The following NCR2 variants were observed in gnomAD, a reference collection of about 807,000 sequenced individuals.
NCR2 encodes the protein NK cell activating receptor (NKp44).
NCR2 carries 35 observed loss-of-function variants against 30.7 expected under a neutral mutation model. The observed-to-expected ratio is 1.14, with a 90% CI of 0.87 to 1.51. NCR2 has a LOEUF of 1.51. NCR2 is among the 40% of genes most tolerant of loss of function. The probability of loss-of-function intolerance (pLI) is 0.00; values close to 1 mark genes in which losing one functional copy is unlikely to be tolerated. For synonymous variants in NCR2, 146 were observed against 134.8 expected (o/e 1.08, Z -0.58); for missense variants, 316 against 328.9 (o/e 0.96, Z 0.30).
chr6:41,344,530 G>A (rs1769252368), intron 4 of NCR2, among the ~76,000 whole-genome samples: 1 of 152,040 alleles, frequency 6.6e-6, no homozygotes, highest in Non-Finnish European at 1.5e-5. Flanking sequence ...GTTCCCCAAG[G>A]TTACATTCTA....
At chr6:41,336,522 T>C (rs1252805664) in intron 2 of NCR2, 94 bp downstream of exon 2, 2 of 1,028,556 alleles carry the variant, frequency 1.9e-6, no homozygotes, top group African/African-American at 3.2e-5. Flanking sequence ...AAGCCACCCA[T>C]GCCCACGCCC....
chr6:41,350,540 G>A (rs1407697058), intron 4 of NCR2, 138 bp from the exon 5 acceptor site: 2 of 703,078 alleles, frequency 2.8e-6, no homozygotes, highest in Non-Finnish European at 4.8e-6. Context: ...CAGTGGCCAG[G>A]AGCAGACTTC....
intron 4 of NCR2, among the ~76,000 whole-genome samples, chr6:41,348,085 A>G (rs983335155): frequency 6.6e-6 from 1 of 152,242 alleles, no homozygotes; most frequent in Admixed American, 6.5e-5. Flanking sequence ...GGTCCAGCCC[A>G]ATGGGATTCG....
chr6:41,339,287 C>T (rs1180111315), intron 2 of NCR2, among the ~76,000 whole-genome samples: 3 of 152,044 alleles, frequency 2.0e-5, no homozygotes, highest in Admixed American at 1.3e-4. Context: ...GTCTTGAACT[C>T]GTGACCTCAG....
At chr6:41,341,305 G>A (rs1485143668) in intron 2 of NCR2, among the ~76,000 whole-genome samples, 1 of 152,132 alleles carries the variant, frequency 6.6e-6, no homozygotes, top group African/African-American at 2.4e-5. Flanking sequence ...AAGAGGGGCT[G>A]TGAAAGGCAT....
chr6:41,347,761 G>A (rs778406090), intron 4 of NCR2, among the ~76,000 whole-genome samples: 29 of 152,168 alleles, frequency 1.9e-4, no homozygotes, highest in Non-Finnish European at 3.2e-4. Flanking sequence ...CAGAAATTTG[G>A]GAACAACTTA....
rs1769022350 is a variant in NCR2 at position 41,336,240 on chromosome 6, G to A, written c.206G>A (p.Ser69Asn). Residue 69 changes from serine to asparagine, a missense_variant, in exon 2 of 5, where the codon AGC (serine) becomes AAC (asparagine). Ser to Asn is a conservative substitution (Grantham distance 46). Coordinates refer to ENST00000373089, the MANE Select transcript of NCR2 (RefSeq NM_004828.4). ...CTTGTGTGCATCAGGTTAGTCACCAGCTCCAAGCCCAGGACGATGGCTTGG... is the reference window on the plus strand; with the variant it reads ...CTTGTGTGCATCAGGTTAGTCACCAACTCCAAGCCCAGGACGATGGCTTGG... The part of the protein sequence containing the change: ...SALVCIRLVT[S>N]SKPRTMAWTS... The A allele has an allele frequency of 1.2e-6, 2 of 1,614,162 alleles. No homozygotes were observed. Among genetic ancestry groups the A allele is most frequent in the Non-Finnish European group, 1.7e-6 (2 of 1,180,028 alleles).
chr6:41,343,108 G>A (rs1478579571), intron 4 of NCR2: 1 of 1,232,298 alleles, frequency 8.1e-7, no homozygotes, highest in Non-Finnish European at 1.1e-6. Flanking sequence ...CAAAGAAAAG[G>A]CCAGGACTTG....
rs1769010119 is a variant in NCR2 at position 41,335,935 on chromosome 6, GGGA to G, written c.52+15_52+17del. 1.3e-6 allele frequency: 2 copies of G among 1,571,122 alleles called. No individual in the cohort carries two copies. Among genetic ancestry groups the G allele is most frequent in the African/African-American group, 1.4e-5 (1 of 74,002 alleles). On this transcript the variant is annotated splice_region_variant and intron_variant, in intron 1 of 4. Coordinates refer to ENST00000373089, the MANE Select transcript of NCR2 (RefSeq NM_004828.4). ...CTGCTGCTGCTGTTCCCAGGTGAGG[GGGA>G]GGAGGAGCCCAGGGAGCAGAGGAGA...
chr6:41,342,091 G>T lies in NCR2; in HGVS notation c.586G>T (p.Val196Leu), dbSNP rs781134484. 3.1e-6 allele frequency: 5 copies of T among 1,613,846 alleles called. No homozygotes were observed. The South Asian group carries it at 4.4e-5, about 14-fold the overall frequency. ...GPAAPIALVP[V>L]FCGLLVAKSL... ...TGCAGCCCCCATTGCCCTGGTGCCT[G>T]TGTTCTGTGGACTCCTCGTAGCCAA... The change falls in exon 4 of 5, where the codon GTG becomes TTG. Residue 196 changes from valine to leucine, a missense_variant. Physicochemically the swap from Val to Leu is conservative, Grantham distance 32. Transcript: ENST00000373089.
intron 4 of NCR2, among the ~76,000 whole-genome samples, chr6:41,349,172 AT>A (rs1769374815): frequency 6.8e-6 from 1 of 146,930 alleles, no homozygotes; most frequent in African/African-American, 2.5e-5. Context: ...ATAAATTATA[AT>A]TTTATATATT....
At chr6:41,347,769 T>G (rs1769337915) in intron 4 of NCR2, among the ~76,000 whole-genome samples, 1 of 152,188 alleles carries the variant, frequency 6.6e-6, no homozygotes, top group African/African-American at 2.4e-5. Flanking sequence ...TGGGAACAAC[T>G]TAGTTGGGTG....
intron 4 of NCR2, among the ~76,000 whole-genome samples, chr6:41,345,129 G>C (rs996726342): frequency 2.0e-5 from 3 of 152,166 alleles, no homozygotes; most frequent in Admixed American, 2.0e-4. Context: ...GCTGTTGAGA[G>C]AGAGGAAAGA....
chr6:41,344,403 G>A (rs1769250029), intron 4 of NCR2, among the ~76,000 whole-genome samples: 1 of 152,224 alleles, frequency 6.6e-6, no homozygotes, highest in South Asian at 2.1e-4. Context: ...CCACAGTGCT[G>A]TTGTCTCTTT....
At position 41,336,106 on chromosome 6, in the gene NCR2, GGC is replaced by G; in HGVS notation, c.73_74del (p.Ala25SerfsTer31). The G allele has an allele frequency of 1.2e-6, 2 of 1,613,840 alleles. No individual in the cohort carries two copies. Among genetic ancestry groups the G allele is most frequent in the Non-Finnish European group, 8.5e-7 (1 of 1,179,892 alleles). ...CTCCAGGCTCTCAGGCACAATCCAA[GGC>G]TCAGGTACTTCAAAGTGTGGCAGGG... ...LFPGSQAQSK[A>X]QVLQSVAGQT... On this transcript the variant is annotated frameshift_variant, in exon 2 of 5. Transcript: ENST00000373089. LOFTEE classifies it high-confidence loss of function.
intron 4 of NCR2, among the ~76,000 whole-genome samples, chr6:41,346,281 G>A (rs1005754084): frequency 1.3e-5 from 2 of 152,046 alleles, no homozygotes; most frequent in African/African-American, 2.4e-5. Flanking sequence ...ATCCCCAGTG[G>A]TCTCGTCCTC....
intron 4 of NCR2, among the ~76,000 whole-genome samples, chr6:41,349,177 A>G (rs1194689318): frequency 1.4e-5 from 2 of 146,948 alleles, no homozygotes; most frequent in Non-Finnish European, 3.0e-5. Context: ...TTATAATTTT[A>G]TATATTATGC....
chr6:41,348,940 C>T (rs189617284), intron 4 of NCR2, among the ~76,000 whole-genome samples: 16 of 151,862 alleles, frequency 1.1e-4, no homozygotes, highest in South Asian at 2.1e-4. Flanking sequence ...ATCTAATGTT[C>T]GACTGAAAAA....
intron 2 of NCR2, among the ~76,000 whole-genome samples, chr6:41,337,624 T>C (rs1045682115): frequency 2.6e-5 from 4 of 152,140 alleles, no homozygotes; most frequent in Non-Finnish European, 4.4e-5. Context: ...ATTGTGTTGA[T>C]TTTTTTTAAA....
Sources: gnomAD v4.1 joint callset for allele counts (sites outside exome capture counted in the v4.1 genomes callset) on GRCh38, gnomAD v4.1.1 for gene constraint, MANE v1.5 for transcripts, NCBI Gene and HGNC (gene_info 2026-07-23, HGNC 2026-07-21) for gene names.